The following RBMS3 variants were observed in gnomAD, a reference collection of about 807,000 sequenced individuals.
RBMS3 encodes the protein RNA-binding motif, single-stranded-interacting protein 3.
A neutral mutation model predicts 66.8 loss-of-function variants in RBMS3; 27 were observed. That is an observed-to-expected ratio of 0.40 (90% CI 0.30 to 0.56). The LOEUF is 0.56. Ranked by LOEUF, RBMS3 falls within the 20% of genes least tolerant of loss-of-function variation. The probability of loss-of-function intolerance (pLI) is 0.40; values close to 1 mark genes in which losing one functional copy is unlikely to be tolerated. For missense variants in RBMS3, 513 were observed against 549.5 expected (o/e 0.93, Z 0.66); for synonymous variants, 188 against 183.0 (o/e 1.03, Z -0.22).
rs1400645910 is a variant in RBMS3, at chr3:30,009,012, A to C, written c.*5150A>C. The C allele has an allele frequency of 1.3e-5, 2 of 152,134 alleles. No homozygotes were observed. The highest frequency in any genetic ancestry group is 3.9e-4 in the East Asian group (2 of 5,190). 9.4% of individuals were successfully genotyped at this position (152,134 alleles called of 1,614,324 possible). A position where few individuals can be genotyped will look rare whatever the true frequency, so the allele number is the denominator to read the frequency against. ...GCAAAAAAGGGATGAATGGCTTTCA[A>C]TATTCATTTCTGTTTATTTTTGTGA... On this transcript the variant is annotated 3_prime_UTR_variant, in exon 15 of 15. Transcript: ENST00000383767.
At chr3:29,434,628 T>C (rs2041328539) in intron 1 of RBMS3, 115 bp from the exon 2 acceptor site, 1 of 1,352,896 alleles carries the variant, frequency 7.4e-7, no homozygotes, top group South Asian at 1.4e-5. Flanking sequence ...TGTGTGTGTA[T>C]GTACGTGTGT....
chr3:29,433,665 A>G (rs1257758621), intron 1 of RBMS3, among the ~76,000 whole-genome samples: 2 of 152,214 alleles, frequency 1.3e-5, no homozygotes, highest in Non-Finnish European at 2.9e-5. Context: ...TAAGAGGCAC[A>G]GCAGGGACTC....
At position 29,944,091 on chromosome 3, in the gene RBMS3, G is replaced by T. The variant is rs149371891; in HGVS notation, c.1051-116G>T. The T allele has an allele frequency of 1.4e-3, 1,154 of 815,986 alleles. 11 individuals carry two copies. The African/African-American group carries it at 0.018, about 13-fold the overall frequency. The allele number at this position is 815,986 out of a possible 1,614,324, so 50.5% of individuals were successfully genotyped here. On this transcript the variant is annotated intron_variant, in intron 11 of 14. Coordinates refer to ENST00000383767, the MANE Select transcript of RBMS3 (RefSeq NM_001003793.3). ...CTAATGCCTTTACTGCTCTAAGGCA[G>T]GGTGGGTCAGGCAACCATATGACAC...
intron 4 of RBMS3, among the ~76,000 whole-genome samples, chr3:29,603,353 A>G (rs1345236845): frequency 1.3e-5 from 2 of 152,000 alleles, no homozygotes; most frequent in Non-Finnish European, 2.9e-5. Flanking sequence ...TTTTTAATTG[A>G]GTAGGACAAA....
At chr3:29,899,672 G>T (rs192438030) in intron 9 of RBMS3, 33 bp from the exon 10 acceptor site, 2 of 1,598,376 alleles carry the variant, frequency 1.3e-6, no homozygotes, top group African/African-American at 1.3e-5. Flanking sequence ...CTCTATGATT[G>T]CTTTGTGCTA....
At chr3:29,610,584 C>A (rs376680884) in intron 4 of RBMS3, among the ~76,000 whole-genome samples, 21 of 152,182 alleles carry the variant, frequency 1.4e-4, no homozygotes, top group African/African-American at 4.8e-4. Flanking sequence ...TTGACTCTTT[C>A]CTTCTGATCT....
chr3:29,482,701 CTTTTTTT>C (rs755520785), intron 2 of RBMS3, among the ~76,000 whole-genome samples: 80 of 77,496 alleles, frequency 1.0e-3, no homozygotes, highest in African/African-American at 3.8e-3. Flanking sequence ...TTCTTTCTTT[CTTTTTTT>C]TTTTTTTTTT....
intron 1 of RBMS3, among the ~76,000 whole-genome samples, chr3:29,364,127 GA>G (rs2125587678): frequency 6.6e-6 from 1 of 152,234 alleles, no homozygotes; most frequent in South Asian, 2.1e-4. Context: ...AAGTGAGGGG[GA>G]GGGGCGATTA....
chr3:29,804,198 T>TA (rs1298343641), intron 6 of RBMS3, among the ~76,000 whole-genome samples: 1 of 152,134 alleles, frequency 6.6e-6, no homozygotes, highest in Non-Finnish European at 1.5e-5. Context: ...CAAAGTGGTC[T>TA]AGGCATATTC....
At chr3:29,854,276 G>A (rs1199371130) in intron 6 of RBMS3, among the ~76,000 whole-genome samples, 3 of 152,268 alleles carry the variant, frequency 2.0e-5, no homozygotes, top group East Asian at 1.9e-4. Flanking sequence ...GCCTGTCCCC[G>A]ATGTCAAATC....
chr3:29,999,460 A>G (rs925548329), intron 14 of RBMS3, among the ~76,000 whole-genome samples: 13 of 152,202 alleles, frequency 8.5e-5, no homozygotes, highest in African/African-American at 3.1e-4. Flanking sequence ...AGGCACATGC[A>G]CATGTATGTT....
chr3:29,299,547 C>T (rs2033527380), intron 1 of RBMS3, among the ~76,000 whole-genome samples: 1 of 151,682 alleles, frequency 6.6e-6, no homozygotes, highest in African/African-American at 2.4e-5. Flanking sequence ...TTTCTACCAA[C>T]TGCGGGTTCC....
intron 1 of RBMS3, among the ~76,000 whole-genome samples, chr3:29,352,198 C>A (rs150689976): frequency 6.6e-6 from 1 of 151,972 alleles, no homozygotes; most frequent in Admixed American, 6.6e-5. Flanking sequence ...TTTTCTGCAA[C>A]TGCGTCTTTT....
At chr3:29,639,589 T>TAGAGAGAG (rs1216382179) in intron 4 of RBMS3, among the ~76,000 whole-genome samples, 1 of 113,824 alleles carries the variant, frequency 8.8e-6, no homozygotes, top group East Asian at 3.5e-4. Flanking sequence ...AGATAGAAGA[T>TAGAGAGAG]AGACAGAGAG....
intron 6 of RBMS3, among the ~76,000 whole-genome samples, chr3:29,849,489 G>T (rs4377456): frequency 1.3e-5 from 2 of 150,026 alleles, no homozygotes; most frequent in African/African-American, 2.5e-5. Context: ...ACTCCAGCCT[G>T]GGTGACAGAG....
chr3:29,746,071 G>A (rs2054879229), intron 5 of RBMS3, among the ~76,000 whole-genome samples: 1 of 152,056 alleles, frequency 6.6e-6, no homozygotes, highest in South Asian at 2.1e-4. Context: ...TCCATCTGCT[G>A]AAATATAATG....
intron 3 of RBMS3, among the ~76,000 whole-genome samples, chr3:29,507,521 T>C (rs1383996524): frequency 6.6e-6 from 1 of 152,106 alleles, no homozygotes; most frequent in African/African-American, 2.4e-5. Context: ...AATCTATGTA[T>C]GCTCTGCTAA....
Position 29,762,996 on chromosome 3 carries a change from A to T in RBMS3, c.637+7A>T, listed in dbSNP as rs1371839. 0.4 allele frequency: 634,918 copies of T among 1,570,702 alleles called. 131,401 individuals carry two copies. The highest frequency in any genetic ancestry group is 0.59 in the African/African-American group (42,801 of 72,672). The stretch of plus-strand genomic sequence containing the variant: ...ACACCACCAGGCATCCCAGGTAAGA[A>T]ATTCACTAATAAGTGACTGAATGAT... On this transcript the variant is annotated splice_region_variant and intron_variant, in intron 6 of 14. Transcript: ENST00000383767.
intron 3 of RBMS3, among the ~76,000 whole-genome samples, chr3:29,527,486 C>T (rs1277892440): frequency 6.6e-6 from 1 of 152,112 alleles, no homozygotes; most frequent in African/African-American, 2.4e-5. Flanking sequence ...AACTCCATAA[C>T]CAGGGGCTCA....
Sources: allele counts gnomAD v4.1 joint callset (sites outside exome capture counted in the v4.1 genomes callset), GRCh38; gene constraint gnomAD v4.1.1; transcripts MANE v1.5; gene names NCBI Gene and HGNC (gene_info 2026-07-23, HGNC 2026-07-21).